The following KCTD9 variants were observed in gnomAD, a reference collection of about 807,000 sequenced individuals.
KCTD9 encodes BTB/POZ domain-containing protein KCTD9.
Under a neutral mutation model 53.3 loss-of-function variants are expected in KCTD9, and 17 were observed. The observed-to-expected ratio is 0.32, with a 90% CI of 0.22 to 0.48. The LOEUF (loss-of-function observed/expected upper bound fraction) is 0.48. Among genes scored for constraint, KCTD9 ranks in the 20% least tolerant of loss-of-function variants. KCTD9 has a pLI of 0.99. For synonymous variants in KCTD9, 128 were observed against 162.7 expected (o/e 0.79, Z 1.62); for missense variants, 179 against 465.5 (o/e 0.38, Z 5.66).
In KCTD9 at chr8:25,440,722, T is replaced by C. The variant is rs753641098; in HGVS notation, c.215-49A>G. 6.2e-6 allele frequency: 8 copies of C among 1,286,214 alleles called. No homozygotes were observed. In the South Asian group the frequency reaches 7.1e-5, roughly 11 times the overall value. The allele number at this position is 1,286,214 out of a possible 1,614,324, so 79.7% of individuals were successfully genotyped here. ...ATACAAATATTAAGATTGGGGATTC[T>C]GGGAAGATGGTAATGGCATAATTTT... On this transcript the variant is annotated intron_variant, in intron 3 of 11. Transcript: ENST00000221200.
intron 1 of KCTD9, among the ~76,000 whole-genome samples, chr8:25,448,772 G>A (rs557976463): frequency 3.4e-4 from 52 of 152,074 alleles, no homozygotes; most frequent in Admixed American, 2.0e-3. Context: ...AAAATTAGCC[G>A]GGCGTGGTGG....
chr8:25,439,157 GAA>G, intron 6 of KCTD9, 120 bp downstream of exon 6: 1 of 800,324 alleles, frequency 1.2e-6, no homozygotes, highest in South Asian at 2.7e-5. Context: ...TTAAAAAATA[GAA>G]AAAATATATA....
chr8:25,444,725 T>C (rs1038294235), intron 2 of KCTD9, among the ~76,000 whole-genome samples: 6 of 152,166 alleles, frequency 3.9e-5, no homozygotes, highest in African/African-American at 1.4e-4. Context: ...GCTTTGGAGA[T>C]GAAATAAACT....
At chr8:25,435,571 A>T (rs1802001789) in intron 8 of KCTD9, 59 bp from the exon 9 acceptor site, 1 of 1,489,212 alleles carries the variant, frequency 6.7e-7, no homozygotes, top group Non-Finnish European at 9.0e-7. Flanking sequence ...TATTAAATTT[A>T]ATTACTATAG....
chr8:25,455,825 T>C (rs943192572), intron 1 of KCTD9, among the ~76,000 whole-genome samples: 3 of 152,220 alleles, frequency 2.0e-5, no homozygotes, highest in African/African-American at 7.2e-5. Context: ...GAATGTTCAG[T>C]GACTGGAGGC....
At chr8:25,453,356 C>CA (rs1246429673) in intron 1 of KCTD9, among the ~76,000 whole-genome samples, 1,424 of 135,576 alleles carry the variant, frequency 0.011, 20 homozygotes, top group African/African-American at 0.034. Flanking sequence ...GACTCTGTCT[C>CA]AAAAAAAAAA....
At chr8:25,446,022 CA>C in intron 2 of KCTD9, 106 bp downstream of exon 2, 1 of 1,422,494 alleles carries the variant, frequency 7.0e-7, no homozygotes, top group Non-Finnish European at 9.4e-7. Context: ...AAACACTTGC[CA>C]AAATCCTGTA....
In KCTD9 at chr8:25,430,638, T is replaced by C. The variant is rs1426562917; in HGVS notation, c.1054-665A>G. Reference sequence around the variant, plus strand: ...AATTATTTCATTATGTATTACAATGTAATACTAGTAGAAATAAAGTGCACA... The same window carrying C: ...AATTATTTCATTATGTATTACAATGCAATACTAGTAGAAATAAAGTGCACA... On this transcript the variant is annotated intron_variant, in intron 11 of 11. Coordinates refer to ENST00000221200, the MANE Select transcript of KCTD9 (RefSeq NM_017634.4). Among the ~76,000 whole-genome samples the C allele has an allele frequency of 2.0e-5, 3 of 152,268 alleles. No individual in the cohort carries two copies. In the East Asian group the frequency reaches 5.8e-4, roughly 29 times the overall value.
intron 1 of KCTD9, among the ~76,000 whole-genome samples, chr8:25,455,220 G>A (rs897760128): frequency 1.3e-5 from 2 of 151,330 alleles, no homozygotes; most frequent in South Asian, 2.1e-4. Flanking sequence ...GCAAAACTCC[G>A]TCTCAAAAAA....
At position 25,439,628 on chromosome 8, in the gene KCTD9, C is replaced by A; in HGVS notation, c.348G>T (p.Leu116=). 6.2e-7 allele frequency: 1 copy of A among 1,614,070 alleles called. No homozygotes were observed. The highest frequency in any genetic ancestry group is 1.3e-5 in the African/African-American group (1 of 75,030). Residue 116 remains leucine (L), a synonymous_variant, in exon 5 of 12, where the codon CTG becomes CTT. Coordinates refer to ENST00000221200, the MANE Select transcript of KCTD9 (RefSeq NM_017634.4). Reference sequence around the variant, plus strand: ...CACCTTTGTCCTTAAACATGTGGGCCAGCATACTGTCAGGTTCTTTATTCA... The same window carrying A: ...CACCTTTGTCCTTAAACATGTGGGCAAGCATACTGTCAGGTTCTTTATTCA... ...TLVNKEPDSM[L]AHMFKDKGVW... is the part of the protein sequence containing the mutation.
At chr8:25,447,809 T>C (rs1383211527) in intron 1 of KCTD9, among the ~76,000 whole-genome samples, 3 of 152,064 alleles carry the variant, frequency 2.0e-5, no homozygotes, top group African/African-American at 4.8e-5. Flanking sequence ...GGTATATATA[T>C]ACAATGGAAT....
At chr8:25,452,210 A>T (rs1419995194) in intron 1 of KCTD9, among the ~76,000 whole-genome samples, 3 of 152,206 alleles carry the variant, frequency 2.0e-5, no homozygotes, top group Non-Finnish European at 2.9e-5. Context: ...AAAAGATGAG[A>T]TAATTTAAAA....
At chr8:25,434,976 C>A (rs1801992671) in intron 9 of KCTD9, among the ~76,000 whole-genome samples, 1 of 152,156 alleles carries the variant, frequency 6.6e-6, no homozygotes, top group African/African-American at 2.4e-5. Flanking sequence ...CTGTCAAATA[C>A]TTCTTGAGCA....
rs181546757 is a variant in KCTD9, at chr8:25,435,744, T to A, written c.664-232A>T. ...TATACATTAGAATATAGCCCGGCTATAATTCATTTCTGTGTAGAAGCTTCT... is the reference window on the plus strand; with the variant it reads ...TATACATTAGAATATAGCCCGGCTAAAATTCATTTCTGTGTAGAAGCTTCT... On this transcript the variant is annotated intron_variant, in intron 8 of 11. Transcript: ENST00000221200. 3.9e-5 allele frequency among the ~76,000 whole-genome samples: 6 copies of A among 152,320 alleles called. No individual in the cohort carries two copies. In the East Asian group the frequency reaches 9.6e-4, roughly 24 times the overall value.
At chr8:25,430,266 AC>A (rs1801902332) in intron 11 of KCTD9, among the ~76,000 whole-genome samples, 1 of 152,124 alleles carries the variant, frequency 6.6e-6, no homozygotes, top group Admixed American at 6.5e-5. Flanking sequence ...GGGGTCCCCA[AC>A]CCCTGGGCCA....
intron 1 of KCTD9, among the ~76,000 whole-genome samples, chr8:25,455,415 G>A (rs1312656358): frequency 6.6e-6 from 1 of 152,026 alleles, no homozygotes; most frequent in Non-Finnish European, 1.5e-5. Context: ...TACACTTAGG[G>A]AGAGGCTGAT....
intron 1 of KCTD9, among the ~76,000 whole-genome samples, chr8:25,455,651 C>G (rs1563251516): frequency 1.3e-5 from 2 of 152,146 alleles, no homozygotes; most frequent in African/African-American, 4.8e-5. Context: ...GATCACTTGG[C>G]ATTTTGGTGA....
intron 4 of KCTD9, among the ~76,000 whole-genome samples, chr8:25,440,159 C>T (rs550246227): frequency 4.0e-5 from 6 of 150,046 alleles, no homozygotes; most frequent in Admixed American, 6.7e-5. Context: ...CCCGGGTTCA[C>T]GCCATTCTCC....
At chr8:25,445,029 C>T (rs7459786) in intron 2 of KCTD9, among the ~76,000 whole-genome samples, 150,514 of 152,284 alleles carry the variant, frequency 0.99, 74,418 homozygotes, top group Middle Eastern at 1. Context: ...AAGCAGAGTT[C>T]GTGTTTGTTA....
Sources: allele counts gnomAD v4.1 joint callset (sites outside exome capture counted in the v4.1 genomes callset), GRCh38; gene constraint gnomAD v4.1.1; transcripts MANE v1.5; gene names NCBI Gene and HGNC (gene_info 2026-07-23, HGNC 2026-07-21).